CBX1: variants seen among roughly 807,000 people sequenced by gnomAD.
CBX1 encodes chromobox 1.
In CBX1, 10 loss-of-function variants were observed where a neutral mutation model predicts 25.1. That is an observed-to-expected ratio of 0.40 (90% confidence interval 0.25 to 0.68). CBX1 has a LOEUF of 0.68. Ranked by LOEUF, CBX1 falls within the 30% of genes least tolerant of loss-of-function variation. CBX1 has a pLI of 0.40. For missense variants in CBX1, 106 were observed against 218.5 expected (o/e 0.49, Z 3.25); for synonymous variants, 63 against 79.4 (o/e 0.79, Z 1.10).
At chr17:48,094,970 C>T (rs2063365472) in intron 1 of CBX1, among the ~76,000 whole-genome samples, 1 of 149,532 alleles carries the variant, frequency 6.7e-6, no homozygotes, top group Admixed American at 6.7e-5. Context: ...TTACTTGAAC[C>T]AGGCAGGCAG....
chr17:48,100,756 T>C, intron 1 of CBX1: 2 of 985,514 alleles, frequency 2.0e-6, no homozygotes, highest in South Asian at 4.7e-5. Flanking sequence ...TCAGCACACC[T>C]TGTGCGGCCC....
intron 4 of CBX1, among the ~76,000 whole-genome samples, chr17:48,074,608 C>A (rs2037657337): frequency 6.6e-6 from 1 of 152,150 alleles, no homozygotes; most frequent in Admixed American, 6.5e-5. Flanking sequence ...ACTACAGATT[C>A]TTTCCTAACC....
chr17:48,088,700 A>C (rs1333588243), intron 1 of CBX1: 1 of 152,076 alleles, frequency 6.6e-6, no homozygotes, highest in Non-Finnish European at 1.5e-5. Flanking sequence ...TGCTTCATGA[A>C]TTTGTGTGTC....
intron 1 of CBX1, among the ~76,000 whole-genome samples, chr17:48,098,235 G>A (rs1327556646): frequency 2.0e-5 from 3 of 147,598 alleles, no homozygotes; most frequent in African/African-American, 7.7e-5. Context: ...TGGCAACAGA[G>A]CGACACTCTG....
rs1014349036 is a variant in CBX1 at position 48,071,685 on chromosome 17, A to T, written c.414-106T>A. ...TTAAAAATGGTAATTTTAGAAAAAT[A>T]GGCTAGGGAACAATGAAAACGTGGC... On this transcript the variant is annotated intron_variant, in intron 4 of 4. Coordinates refer to ENST00000225603, the MANE Select transcript of CBX1 (RefSeq NM_001127228.2). 8.7e-6 allele frequency: 8 copies of T among 919,774 alleles called. No homozygotes were observed. The African/African-American group carries it at 1.0e-4, about 12-fold the overall frequency. 57.0% of individuals were successfully genotyped at this position (919,774 alleles called of 1,614,324 possible).
chr17:48,075,575 C>T (rs1420933608), intron 3 of CBX1, among the ~76,000 whole-genome samples: 2 of 152,158 alleles, frequency 1.3e-5, no homozygotes, highest in African/African-American at 4.8e-5. Context: ...AGTGATTATT[C>T]ATCAATGTCT....
chr17:48,080,829 G>A lies in CBX1; in HGVS notation c.-37-3788C>T, dbSNP rs2037723039. Among the ~76,000 whole-genome samples the A allele has an allele frequency of 2.8e-5, 4 of 143,998 alleles. 1 individual carries two copies. The South Asian group carries it at 6.9e-4, about 25-fold the overall frequency. The allele number at this position is 143,998 out of a possible 152,430, so 94.5% of individuals were successfully genotyped here. On this transcript the variant is annotated intron_variant, in intron 1 of 4. Transcript: ENST00000225603. Reference sequence around the variant, plus strand: ...CCAGCTACTCGGGAGGCTGAGGCAGGAGAATTGCTTGAACCCGGGAGGCGG... The same window carrying A: ...CCAGCTACTCGGGAGGCTGAGGCAGAAGAATTGCTTGAACCCGGGAGGCGG...
intron 1 of CBX1, among the ~76,000 whole-genome samples, chr17:48,086,875 C>T (rs1464557127): frequency 6.6e-6 from 1 of 150,866 alleles, no homozygotes; most frequent in Non-Finnish European, 1.5e-5. Flanking sequence ...AAAAAGAAAA[C>T]GAAAAAGAAA....
At chr17:48,098,580 C>T (rs1050472805) in intron 1 of CBX1, among the ~76,000 whole-genome samples, 1 of 152,154 alleles carries the variant, frequency 6.6e-6, no homozygotes, top group Non-Finnish European at 1.5e-5. Context: ...TCATGGCAAC[C>T]TCTGCCTCCC....
chr17:48,095,186 T>C (rs1022413306), intron 1 of CBX1, among the ~76,000 whole-genome samples: 4 of 152,230 alleles, frequency 2.6e-5, no homozygotes, highest in East Asian at 1.9e-4. Flanking sequence ...ATAATATTTC[T>C]CTTTTCTTTG....
chr17:48,074,009 C>A (rs981071256), intron 4 of CBX1, among the ~76,000 whole-genome samples: 1 of 152,052 alleles, frequency 6.6e-6, no homozygotes, highest in African/African-American at 2.4e-5. Context: ...GAACTTTTCT[C>A]TTATAGGTTA....
chr17:48,096,358 T>C (rs2063374889), intron 1 of CBX1: 2 of 985,072 alleles, frequency 2.0e-6, no homozygotes, highest in East Asian at 1.1e-4. Context: ...GCCACAAGAG[T>C]CTACAAATGT....
intron 1 of CBX1, among the ~76,000 whole-genome samples, chr17:48,078,334 C>T (rs187486431): frequency 3.3e-5 from 5 of 151,772 alleles, no homozygotes; most frequent in African/African-American, 9.7e-5. Flanking sequence ...CTGTGACTAC[C>T]GGCGCCCGCC....
intron 4 of CBX1, among the ~76,000 whole-genome samples, chr17:48,074,220 CTGTGTGTGTG>C (rs34047980): frequency 6.6e-6 from 1 of 150,658 alleles, no homozygotes; most frequent in African/African-American, 2.4e-5. Flanking sequence ...GCTCCATAGA[CTGTGTGTGTG>C]TGTGTGTGTT....
At chr17:48,098,902 G>C (rs2070127029) in intron 1 of CBX1, among the ~76,000 whole-genome samples, 1 of 152,066 alleles carries the variant, frequency 6.6e-6, no homozygotes, top group Non-Finnish European at 1.5e-5. Flanking sequence ...TTTTCAAATG[G>C]TGTGAACAAC....
At chr17:48,078,084 A>C (rs1567764593) in intron 1 of CBX1, among the ~76,000 whole-genome samples, 1 of 152,116 alleles carries the variant, frequency 6.6e-6, no homozygotes, top group African/African-American at 2.4e-5. Flanking sequence ...AAAAAAAAAG[A>C]AAAGCAGTCC....
At chr17:48,083,461 C>G (rs1314169587) in intron 1 of CBX1, among the ~76,000 whole-genome samples, 1 of 150,572 alleles carries the variant, frequency 6.6e-6, no homozygotes, top group Non-Finnish European at 1.5e-5. Flanking sequence ...TGGTCAGTAA[C>G]TAGTTTTCCA....
At chr17:48,072,466 A>T (rs1280004594) in intron 4 of CBX1, among the ~76,000 whole-genome samples, 1 of 152,118 alleles carries the variant, frequency 6.6e-6, no homozygotes, top group Non-Finnish European at 1.5e-5. Context: ...GTAGAAAATG[A>T]GGGAGCTGTA....
Position 48,101,285 on chromosome 17 carries a change from G to C in CBX1, c.-55C>G. On this transcript the variant is annotated 5_prime_UTR_variant, in exon 1 of 5. Coordinates refer to ENST00000225603, the MANE Select transcript of CBX1 (RefSeq NM_001127228.2). ...CTCCTCACCTCAGAGCAGCGCCCAA[G>C]AGCCCGAGAGGAATCGGTGCTGCGC... The C allele has an allele frequency of 1.0e-6, 1 of 986,468 alleles. No homozygotes were observed. 61.1% of individuals were successfully genotyped at this position (986,468 alleles called of 1,614,324 possible). A position where few individuals can be genotyped will look rare whatever the true frequency, so the allele number is the denominator to read the frequency against.
Sources: gnomAD v4.1 joint callset for allele counts (sites outside exome capture counted in the v4.1 genomes callset) on GRCh38, gnomAD v4.1.1 for gene constraint, MANE v1.5 for transcripts, NCBI Gene and HGNC (gene_info 2026-07-23, HGNC 2026-07-21) for gene names.